Variants in COL25A1 observed in about 807,000 individuals in gnomAD.
COL25A1 encodes collagen alpha-1(XXV) chain.
Under a neutral mutation model 128.4 loss-of-function variants are expected in COL25A1, and 103 were observed. That is an observed-to-expected ratio of 0.80 (90% CI 0.68 to 0.94). The LOEUF is 0.94. COL25A1 is among the 40% of genes least tolerant of loss of function. The pLI is 0.00. For missense variants in COL25A1, 745 were observed against 840.0 expected, an observed-to-expected ratio of 0.89 and a Z score of 1.40; for synonymous variants, 279 against 277.2, an observed-to-expected ratio of 1.01 and a Z score of -0.06.
At chr4:109,289,073 A>T (rs147580315) in intron 3 of COL25A1, among the ~76,000 whole-genome samples, 1 of 152,188 alleles carries the variant, frequency 6.6e-6, no homozygotes, top group African/African-American at 2.4e-5. Context: ...TAATGTAGGA[A>T]AAAATTTGTA....
chr4:109,237,666 A>T (rs1248078070), intron 3 of COL25A1, among the ~76,000 whole-genome samples: 1 of 151,862 alleles, frequency 6.6e-6, no homozygotes, highest in African/African-American at 2.4e-5. Flanking sequence ...TGTGTGATAA[A>T]ATATGCATAA....
At chr4:109,142,101 T>C (rs1238283861) in intron 3 of COL25A1, among the ~76,000 whole-genome samples, 1 of 152,232 alleles carries the variant, frequency 6.6e-6, no homozygotes, top group African/African-American at 2.4e-5. Context: ...GCTTTAGCTG[T>C]GTCCCAGAGA....
At chr4:109,225,386 A>G (rs1242556900) in intron 3 of COL25A1, among the ~76,000 whole-genome samples, 1 of 152,196 alleles carries the variant, frequency 6.6e-6, no homozygotes, top group Non-Finnish European at 1.5e-5. Context: ...GAGAAATGCA[A>G]ATTAAAACCA....
intron 13 of COL25A1, among the ~76,000 whole-genome samples, chr4:108,915,432 C>A (rs1344889750): frequency 6.6e-6 from 1 of 152,184 alleles, no homozygotes; most frequent in African/African-American, 2.4e-5. Flanking sequence ...AGCTCCTGAG[C>A]TTAGGCAATC....
intron 3 of COL25A1, among the ~76,000 whole-genome samples, chr4:109,203,540 A>C (rs975517956): frequency 6.6e-6 from 1 of 152,042 alleles, no homozygotes; most frequent in Non-Finnish European, 1.5e-5. Flanking sequence ...CAGGAAAGCA[A>C]TTTCTAAGGC....
Position 109,106,842 on chromosome 4 carries a change from A to G in COL25A1, c.368-56663T>C, listed in dbSNP as rs556142772. Among the ~76,000 whole-genome samples the G allele has an allele frequency of 1.1e-4, 17 of 152,270 alleles. No individual in the cohort carries two copies. In the South Asian group the frequency reaches 3.5e-3, roughly 32 times the overall value. ...AAGTGCAGTGGCACAGTCATGGTTC[A>G]CTGCAGCCTTGACTTCCCAAGCTCA... On this transcript the variant is annotated intron_variant, in intron 3 of 37. Transcript: ENST00000399132.
intron 3 of COL25A1, among the ~76,000 whole-genome samples, chr4:109,083,280 T>C (rs986666142): frequency 3.3e-5 from 5 of 151,722 alleles, no homozygotes; most frequent in Admixed American, 1.3e-4. Context: ...TATCAAAAAA[T>C]GATATTGTGA....
intron 37 of COL25A1, among the ~76,000 whole-genome samples, chr4:108,815,805 A>T (rs1258684343): frequency 6.6e-6 from 1 of 152,116 alleles, no homozygotes; most frequent in Non-Finnish European, 1.5e-5. Flanking sequence ...AACCCCTTTT[A>T]AAAAGGCAGC....
intron 5 of COL25A1, among the ~76,000 whole-genome samples, chr4:109,010,698 A>C (rs959784352): frequency 6.6e-6 from 1 of 152,222 alleles, no homozygotes; most frequent in African/African-American, 2.4e-5. Context: ...TGAAGGGGTT[A>C]CTTAAAGAAA....
At chr4:109,056,142 AG>A (rs1761425446) in intron 3 of COL25A1, among the ~76,000 whole-genome samples, 1 of 152,142 alleles carries the variant, frequency 6.6e-6, no homozygotes. Context: ...AAAGATAATG[AG>A]TTCAACTGAA....
At chr4:109,113,468 ATAT>A (rs1767230031) in intron 3 of COL25A1, among the ~76,000 whole-genome samples, 1 of 152,112 alleles carries the variant, frequency 6.6e-6, no homozygotes, top group South Asian at 2.1e-4. Context: ...TTTAGTTTAA[ATAT>A]TATTACATTT....
chr4:109,013,835 C>G (rs1220160269), intron 5 of COL25A1, among the ~76,000 whole-genome samples: 1 of 152,166 alleles, frequency 6.6e-6, no homozygotes, highest in East Asian at 1.9e-4. Context: ...AACTGTAACA[C>G]TCACCATGAG....
At chr4:109,060,518 A>G (rs1461891986) in intron 3 of COL25A1, among the ~76,000 whole-genome samples, 1 of 152,112 alleles carries the variant, frequency 6.6e-6, no homozygotes, top group African/African-American at 2.4e-5. Context: ...TGAACATGTT[A>G]GCAGTTGGTC....
At chr4:108,886,484 G>T (rs1444122210) in intron 18 of COL25A1, among the ~76,000 whole-genome samples, 1,235 of 82,472 alleles carry the variant, frequency 0.015, 50 homozygotes, top group East Asian at 0.067. Context: ...GTGTGTGTGT[G>T]TGTGTGTGTT....
At chr4:109,077,129 A>G (rs1763448564) in intron 3 of COL25A1, among the ~76,000 whole-genome samples, 1 of 152,212 alleles carries the variant, frequency 6.6e-6, no homozygotes, top group African/African-American at 2.4e-5. Flanking sequence ...ACAACACCAA[A>G]CAATAAGTAA....
At chr4:108,903,158 C>T (rs937075632) in intron 13 of COL25A1, among the ~76,000 whole-genome samples, 4 of 151,876 alleles carry the variant, frequency 2.6e-5, no homozygotes, top group Non-Finnish European at 5.9e-5. Context: ...GCATAACATT[C>T]TCCTTAATAT....
intron 6 of COL25A1, among the ~76,000 whole-genome samples, chr4:108,978,087 A>C (rs944751418): frequency 6.6e-6 from 1 of 152,246 alleles, no homozygotes; most frequent in Admixed American, 6.5e-5. Context: ...CCACGTATCA[A>C]CTAGAGTTCT....
intron 6 of COL25A1, among the ~76,000 whole-genome samples, chr4:108,994,631 C>T (rs138709588): frequency 2.0e-5 from 3 of 152,306 alleles, no homozygotes; most frequent in East Asian, 3.9e-4. Flanking sequence ...GAACGACGTT[C>T]AAGCTCTGAG....
chr4:108,883,781 C>A (rs2125834163), intron 19 of COL25A1, among the ~76,000 whole-genome samples: 1 of 152,222 alleles, frequency 6.6e-6, no homozygotes, highest in Admixed American at 6.5e-5. Flanking sequence ...GAGTGAATCA[C>A]AAAAACAGCT....
Sources: gnomAD v4.1 joint callset for allele counts (sites outside exome capture counted in the v4.1 genomes callset) on GRCh38, gnomAD v4.1.1 for gene constraint, MANE v1.5 for transcripts, NCBI Gene and HGNC (gene_info 2026-07-23, HGNC 2026-07-21) for gene names.